The following PAMR1 variants were observed in gnomAD, a reference collection of about 807,000 sequenced individuals.
PAMR1 encodes the protein inactive serine protease PAMR1.
In PAMR1, 88 loss-of-function variants were observed where a neutral mutation model predicts 81.8. That is an observed-to-expected ratio of 1.08 (90% confidence interval 0.91 to 1.28). The LOEUF (loss-of-function observed/expected upper bound fraction) is 1.28, where lower values mean the gene tolerates loss of function less well. Ranked by LOEUF, PAMR1 falls within the 50% of genes most tolerant of loss-of-function variation. The pLI is 0.00. For synonymous variants in PAMR1, 336 were observed against 345.3 expected (o/e 0.97, Z 0.30); for missense variants, 935 against 919.7 (o/e 1.02, Z -0.21).
At chr11:35,484,755 C>T (rs751504654) in intron 3 of PAMR1, among the ~76,000 whole-genome samples, 5 of 152,208 alleles carry the variant, frequency 3.3e-5, no homozygotes, top group African/African-American at 1.2e-4. Context: ...TGCCCAGTAT[C>T]CTTCAGGGAC....
At chr11:35,433,936 G>A (rs1474385235) in intron 10 of PAMR1, among the ~76,000 whole-genome samples, 1 of 152,206 alleles carries the variant, frequency 6.6e-6, no homozygotes, top group African/African-American at 2.4e-5. Context: ...GTCAGGGAAA[G>A]ACAGACATAT....
upstream of PAMR1, chr11:35,525,739 G>A: frequency 1.5e-6 from 1 of 653,892 alleles, no homozygotes; most frequent in Non-Finnish European, 2.7e-6. Context: ...CTCATCTGAG[G>A]GGAACCACCT....
At chr11:35,497,262 C>G (rs1850744237) in intron 1 of PAMR1, among the ~76,000 whole-genome samples, 1 of 152,256 alleles carries the variant, frequency 6.6e-6, no homozygotes, top group South Asian at 2.1e-4. Flanking sequence ...AAATGAGGAG[C>G]TGCTAGGTGC....
In PAMR1 at chr11:35,455,903, G is replaced by GA. The variant is rs67132659; in HGVS notation, c.820+12097dup. ...TCTAGCTTCACTTAAACACTTAACA[G>GA]AAAAAAAAAAAAAAAGATTTGGGGC... On this transcript the variant is annotated intron_variant, in intron 6 of 10. Transcript: ENST00000619888. Among the ~76,000 whole-genome samples, 773 of 131,528 alleles carry GA rather than the reference G, an allele frequency of 5.9e-3. 2 individuals carry two copies. Among genetic ancestry groups the GA allele is most frequent in the Middle Eastern group, 0.012 (3 of 248 alleles). 86.3% of individuals were successfully genotyped at this position (131,528 alleles called of 152,430 possible).
chr11:35,462,575 C>T (rs1454160720), intron 6 of PAMR1, among the ~76,000 whole-genome samples: 1 of 152,146 alleles, frequency 6.6e-6, no homozygotes, highest in Non-Finnish European at 1.5e-5. Flanking sequence ...TGTTGTTGCC[C>T]TAGTCCCTTA....
At chr11:35,524,966 T>C (rs760541174) in intron 1 of PAMR1, among the ~76,000 whole-genome samples, 2 of 152,234 alleles carry the variant, frequency 1.3e-5, no homozygotes, top group African/African-American at 4.8e-5. Flanking sequence ...GAAGTGTGTC[T>C]ATATATGCTG....
intron 2 of PAMR1, among the ~76,000 whole-genome samples, chr11:35,492,468 G>A (rs114392639): frequency 0.016 from 2,486 of 152,206 alleles, 64 homozygotes; most frequent in African/African-American, 0.057. Flanking sequence ...TCAATATAGA[G>A]TCTTTTGTAT....
chr11:35,468,480 AAAT>A (rs1413882272), intron 5 of PAMR1, among the ~76,000 whole-genome samples: 1 of 152,154 alleles, frequency 6.6e-6, no homozygotes, highest in African/African-American at 2.4e-5. Context: ...ATCTTTTTTC[AAAT>A]AAAAGCTCAC....
intron 6 of PAMR1, among the ~76,000 whole-genome samples, chr11:35,443,025 C>G (rs986667803): frequency 1.8e-4 from 27 of 152,200 alleles, no homozygotes; most frequent in African/African-American, 6.3e-4. Context: ...TTGATCCTGT[C>G]ACACAGGCAT....
chr11:35,475,894 AT>A (rs1850276262), intron 3 of PAMR1, among the ~76,000 whole-genome samples: 2 of 152,156 alleles, frequency 1.3e-5, no homozygotes, highest in South Asian at 4.1e-4. Context: ...TACCTTCCCT[AT>A]TTCTATACAG....
chr11:35,449,254 C>G (rs921688164), intron 6 of PAMR1, among the ~76,000 whole-genome samples: 1 of 151,090 alleles, frequency 6.6e-6, no homozygotes, highest in East Asian at 1.9e-4. Context: ...GTGTGTTGAA[C>G]AGGAGATCAT....
chr11:35,486,142 A>G (rs1412418382), intron 3 of PAMR1, among the ~76,000 whole-genome samples: 9 of 152,206 alleles, frequency 5.9e-5, no homozygotes, highest in Non-Finnish European at 2.9e-5. Context: ...ATGGATTGTA[A>G]ACTCATTGCG....
chr11:35,438,217 T>C (rs1213966508), intron 8 of PAMR1, among the ~76,000 whole-genome samples: 1 of 152,256 alleles, frequency 6.6e-6, no homozygotes, highest in East Asian at 1.9e-4. Flanking sequence ...GACAAGTTAC[T>C]TAACTTCTCT....
intron 7 of PAMR1, among the ~76,000 whole-genome samples, chr11:35,440,826 G>C (rs752369017): frequency 1.3e-5 from 2 of 152,030 alleles, no homozygotes; most frequent in African/African-American, 4.8e-5. Flanking sequence ...CTTTTCTGCT[G>C]TCTTCCATTT....
upstream of PAMR1, among the ~76,000 whole-genome samples, chr11:35,527,105 G>C (rs116088476): frequency 6.6e-6 from 1 of 152,122 alleles, no homozygotes. Flanking sequence ...CCTGACACAG[G>C]TGCTCTACTA....
chr11:35,496,233 C>G (rs771402978), intron 1 of PAMR1, among the ~76,000 whole-genome samples: 4 of 152,082 alleles, frequency 2.6e-5, no homozygotes, highest in Non-Finnish European at 4.4e-5. Flanking sequence ...AGACATGACA[C>G]CAAAAGCAGG....
At chr11:35,439,565 G>C in intron 8 of PAMR1, 62 bp downstream of exon 8, 4 of 1,316,052 alleles carry the variant, frequency 3.0e-6, no homozygotes, top group Non-Finnish European at 4.4e-6. Flanking sequence ...AAGTGGGGAA[G>C]GGGAATGGAA....
At chr11:35,492,278 G>A in intron 2 of PAMR1, 105 bp from the exon 3 acceptor site, 1 of 1,248,954 alleles carries the variant, frequency 8.0e-7, no homozygotes. Context: ...TCTCAACTAA[G>A]AGCATCTGGG....
chr11:35,433,018 A>T lies in PAMR1; in HGVS notation c.1627-126T>A. Reference sequence around the variant, plus strand: ...GAGGCAGCTACAATTATTTGGAGATACTTCACTCAAGAAATCATGGAAAAC... The same window carrying T: ...GAGGCAGCTACAATTATTTGGAGATTCTTCACTCAAGAAATCATGGAAAAC... On this transcript the variant is annotated intron_variant, in intron 10 of 10. Coordinates refer to ENST00000619888, the MANE Select transcript of PAMR1 (RefSeq NM_001001991.3). 3 of 776,728 alleles carry T rather than the reference A, an allele frequency of 3.9e-6. No individual in the cohort carries two copies. The East Asian group carries it at 8.0e-5, about 21-fold the overall frequency. The allele number at this position is 776,728 out of a possible 1,614,324, so 48.1% of individuals were successfully genotyped here.
Sources: gnomAD v4.1 joint callset for allele counts (sites outside exome capture counted in the v4.1 genomes callset) on GRCh38, gnomAD v4.1.1 for gene constraint, MANE v1.5 for transcripts, NCBI Gene and HGNC (gene_info 2026-07-23, HGNC 2026-07-21) for gene names.